TBCE: variants seen among roughly 807,000 people sequenced by gnomAD.
The protein encoded by TBCE is tubulin-specific chaperone E.
Under a neutral mutation model 77.0 loss-of-function variants are expected in TBCE, and 53 were observed. The observed-to-expected ratio is 0.69, with a 90% CI of 0.55 to 0.87. The LOEUF (loss-of-function observed/expected upper bound fraction) is 0.87. Among genes scored for constraint, TBCE ranks in the 40% least tolerant of loss-of-function variants. TBCE has a pLI of 0.00. For missense variants in TBCE, 624 were observed against 622.4 expected, an observed-to-expected ratio of 1.00 and a Z score of -0.03; for synonymous variants, 235 against 241.3, an observed-to-expected ratio of 0.97 and a Z score of 0.24.
chr1:235,374,336 T>C lies in TBCE; in HGVS notation c.-31-5683T>C, dbSNP rs1330511891. ...ACATCTGGAATGTGGCGTTCAGTTC[T>C]AGATATCGCAATTTAAGCATGGAAT... On this transcript the variant is annotated intron_variant, in intron 1 of 16. Coordinates refer to ENST00000642610, the MANE Select transcript of TBCE (RefSeq NM_003193.5). Among the ~76,000 whole-genome samples, 2 of 145,902 alleles carry C rather than the reference T, an allele frequency of 1.4e-5. 1 individual carries two copies. The highest frequency in any genetic ancestry group is 3.0e-5 in the Non-Finnish European group (2 of 66,634).
At position 235,401,604 on chromosome 1, in the gene TBCE, A is replaced by G; in HGVS notation, c.185+17A>G. On this transcript the variant is annotated intron_variant, in intron 3 of 16. Transcript: ENST00000642610. Reference sequence around the variant, plus strand: ...TAAATGCAGGTAACTTTTCATTATGAATCAGCACGGTCATTTAGTCAAGAT... The same window carrying G: ...TAAATGCAGGTAACTTTTCATTATGGATCAGCACGGTCATTTAGTCAAGAT... The G allele has an allele frequency of 6.3e-7, 1 of 1,594,680 alleles. No homozygotes were observed. Among genetic ancestry groups the G allele is most frequent in the Non-Finnish European group, 8.6e-7 (1 of 1,162,660 alleles).
intron 2 of TBCE, among the ~76,000 whole-genome samples, chr1:235,393,704 G>A (rs1678550923): frequency 6.6e-6 from 1 of 152,044 alleles, no homozygotes; most frequent in South Asian, 2.1e-4. Flanking sequence ...TCTTCATAAA[G>A]TATGTACAGC....
At chr1:235,441,435 A>G (rs1283550150) in intron 13 of TBCE, 3 of 279,470 alleles carry the variant, frequency 1.1e-5, no homozygotes, top group African/African-American at 4.5e-5. Context: ...CAAAGGTGAC[A>G]CTCGGGGAAA....
At chr1:235,405,925 A>G (rs1679398929) in intron 3 of TBCE, among the ~76,000 whole-genome samples, 2 of 144,998 alleles carry the variant, frequency 1.4e-5, no homozygotes, top group South Asian at 4.4e-4. Context: ...CCACTGTAGC[A>G]TATGCGGTCC....
chr1:235,421,645 G>A (rs1680406109), intron 5 of TBCE, among the ~76,000 whole-genome samples: 1 of 152,008 alleles, frequency 6.6e-6, no homozygotes, highest in Non-Finnish European at 1.5e-5. Flanking sequence ...GGAGGCGGAG[G>A]TTGCAGTGAG....
chr1:235,452,019 G>GT lies in TBCE; in HGVS notation c.*3268dup, dbSNP rs5781831. 83 of 150,014 alleles carry GT rather than the reference G, an allele frequency of 5.5e-4. No homozygotes were observed. Among genetic ancestry groups the GT allele is most frequent in the African/African-American group, 9.3e-4 (38 of 40,902 alleles). The allele number at this position is 150,014 out of a possible 1,614,324, so 9.3% of individuals were successfully genotyped here. A position where few individuals can be genotyped will look rare whatever the true frequency, so the allele number is the denominator to read the frequency against. ...CTCAATCAGTGGATTCTGTCGTTCA[G>GT]TTTTTTTTTTTGAGACGGAGTCTCG... On this transcript the variant is annotated 3_prime_UTR_variant, in exon 17 of 17. Transcript: ENST00000642610.
intron 2 of TBCE, among the ~76,000 whole-genome samples, chr1:235,380,467 A>G (rs1677567526): frequency 6.6e-6 from 1 of 151,966 alleles, no homozygotes; most frequent in African/African-American, 2.4e-5. Context: ...ATAAACCTCA[A>G]CTCAAGTAAT....
intron 8 of TBCE, among the ~76,000 whole-genome samples, chr1:235,434,862 A>G (rs917050002): frequency 2.6e-5 from 4 of 152,048 alleles, no homozygotes; most frequent in African/African-American, 9.7e-5. Flanking sequence ...TAAGGATTAA[A>G]TAATGTATTT....
At chr1:235,387,924 G>A (rs1678128136) in intron 2 of TBCE, among the ~76,000 whole-genome samples, 1 of 152,132 alleles carries the variant, frequency 6.6e-6, no homozygotes, top group Non-Finnish European at 1.5e-5. Flanking sequence ...CCCCTCCAGG[G>A]GATTCTGATG....
At chr1:235,387,600 A>AGCC (rs1678102754) in intron 2 of TBCE, among the ~76,000 whole-genome samples, 1 of 152,170 alleles carries the variant, frequency 6.6e-6, no homozygotes, top group Non-Finnish European at 1.5e-5. Context: ...GGACCCTCCG[A>AGCC]GCCAGGTGCG....
chr1:235,448,553 T>C, intron 16 of TBCE, 113 bp downstream of exon 16: 7 of 1,361,998 alleles, frequency 5.1e-6, no homozygotes, highest in Middle Eastern at 1.9e-4. Flanking sequence ...ATGGGTCTGT[T>C]TGTTTGATTT....
At chr1:235,427,088 T>C in intron 5 of TBCE, 52 bp from the exon 6 acceptor site, 1 of 1,284,250 alleles carries the variant, frequency 7.8e-7, no homozygotes, top group Non-Finnish European at 1.1e-6. Flanking sequence ...TAACTCCTTT[T>C]ATGTCTTTTG....
Position 235,449,143 on chromosome 1 carries a change from G to A in TBCE, c.*381G>A, listed in dbSNP as rs1682722670. ...TCTATTGAAACTACTATTTTAAAGGGTTACTAGAAATGATTTGGTTGGTCA... is the reference window on the plus strand; with the variant it reads ...TCTATTGAAACTACTATTTTAAAGGATTACTAGAAATGATTTGGTTGGTCA... On this transcript the variant is annotated 3_prime_UTR_variant, in exon 17 of 17. Transcript: ENST00000642610. The A allele has an allele frequency of 3.9e-6, 1 of 253,906 alleles. No individual in the cohort carries two copies. Among genetic ancestry groups the A allele is most frequent in the Non-Finnish European group, 7.7e-6 (1 of 130,682 alleles). 15.7% of individuals were successfully genotyped at this position (253,906 alleles called of 1,614,324 possible).
rs990416178 is a variant in TBCE at position 235,434,412 on chromosome 1, T to C, written c.737+132T>C. On this transcript the variant is annotated intron_variant, in intron 8 of 16. Transcript: ENST00000642610. ...AAGAATTAGGAAAAATGCTTATTAT[T>C]CATTGCCTTCACAAATTAGAATTTC... 13 of 779,356 alleles carry C rather than the reference T, an allele frequency of 1.7e-5. No homozygotes were observed. The African/African-American group carries it at 2.1e-4, about 12-fold the overall frequency. 48.3% of individuals were successfully genotyped at this position (779,356 alleles called of 1,614,324 possible). A position where few individuals can be genotyped will look rare whatever the true frequency, so the allele number is the denominator to read the frequency against.
intron 3 of TBCE, among the ~76,000 whole-genome samples, chr1:235,404,182 CAGG>C (rs111370184): frequency 4.1e-4 from 62 of 151,986 alleles, no homozygotes; most frequent in African/African-American, 1.2e-3. Context: ...GAGGCTGAGG[CAGG>C]AGAATTGCTT....
At chr1:235,376,802 C>T (rs1321592578) in intron 1 of TBCE, among the ~76,000 whole-genome samples, 2 of 151,934 alleles carry the variant, frequency 1.3e-5, no homozygotes, top group African/African-American at 2.4e-5. Flanking sequence ...GGTGAAATCC[C>T]GTCTCTACTA....
rs1217628532 is a variant in TBCE, at chr1:235,439,097, A to G, written c.1270+175A>G. 1.4e-5 allele frequency: 11 copies of G among 767,124 alleles called. No individual in the cohort carries two copies. The East Asian group carries it at 2.7e-4, about 19-fold the overall frequency. The allele number at this position is 767,124 out of a possible 1,614,324, so 47.5% of individuals were successfully genotyped here. The stretch of plus-strand genomic sequence containing the variant: ...TTTCCTGGGGCGAGGGCGGCAGGGC[A>G]AGAGCAGTATCTTTCAGCAGGAGGA... On this transcript the variant is annotated intron_variant, in intron 13 of 16. Coordinates refer to ENST00000642610, the MANE Select transcript of TBCE (RefSeq NM_003193.5).
chr1:235,442,823 A>T (rs778291075), intron 14 of TBCE, 29 bp from the exon 15 acceptor site: 1 of 1,606,500 alleles, frequency 6.2e-7, no homozygotes, highest in Non-Finnish European at 8.5e-7. Context: ...GTAGATATCA[A>T]TTAGTCTTTT....
At chr1:235,397,393 A>G (rs1231042159) in intron 2 of TBCE, among the ~76,000 whole-genome samples, 1 of 151,974 alleles carries the variant, frequency 6.6e-6, no homozygotes, top group Non-Finnish European at 1.5e-5. Flanking sequence ...TAGTAGAGAC[A>G]GGGTTTCACC....
Sources: gnomAD v4.1 joint callset for allele counts (sites outside exome capture counted in the v4.1 genomes callset) on GRCh38, gnomAD v4.1.1 for gene constraint, MANE v1.5 for transcripts, NCBI Gene and HGNC (gene_info 2026-07-23, HGNC 2026-07-21) for gene names.